The following IGF1R variants were observed in gnomAD, a reference collection of about 807,000 sequenced individuals.
The protein encoded by IGF1R is insulin like growth factor 1 receptor, also known as insulin-like growth factor 1 receptor.
A neutral mutation model predicts 144.6 loss-of-function variants in IGF1R; 44 were observed. That is an observed-to-expected ratio of 0.30 (90% CI 0.24 to 0.39). The LOEUF (loss-of-function observed/expected upper bound fraction) is 0.39. Ranked by LOEUF, IGF1R falls within the 10% of genes least tolerant of loss-of-function variation. IGF1R has a pLI of 1.00. For missense variants in IGF1R, 1,355 were observed against 1,833.7 expected (o/e 0.74, Z 4.77); for synonymous variants, 795 against 722.8 (o/e 1.10, Z -1.60).
chr15:98,963,941 A>G lies in IGF1R; in HGVS notation c.*6499A>G, dbSNP rs922765999. 21 of 233,222 alleles carry G rather than the reference A, an allele frequency of 9.0e-5. No individual in the cohort carries two copies. The highest frequency in any genetic ancestry group is 1.3e-4 in the Non-Finnish European group (15 of 117,950). 14.4% of individuals were successfully genotyped at this position (233,222 alleles called of 1,614,324 possible). On this transcript the variant is annotated 3_prime_UTR_variant, in exon 21 of 21. Transcript: ENST00000650285. Reference sequence around the variant, plus strand: ...GAAACACCTGGGGTTTTTGCGCTACATAGGAGAAAGATCTGGAAACTATTT... The same window carrying G: ...GAAACACCTGGGGTTTTTGCGCTACGTAGGAGAAAGATCTGGAAACTATTT...
chr15:98,714,370 G>A (rs937314274), intron 2 of IGF1R, among the ~76,000 whole-genome samples: 6 of 152,114 alleles, frequency 3.9e-5, no homozygotes, highest in African/African-American at 9.7e-5. Context: ...AAGGCTGGGC[G>A]CAGTGGCTAA....
At chr15:98,921,275 G>A (rs2015473881) in intron 10 of IGF1R, among the ~76,000 whole-genome samples, 2 of 152,098 alleles carry the variant, frequency 1.3e-5, no homozygotes, top group Non-Finnish European at 2.9e-5. Flanking sequence ...AGGTTTCTAG[G>A]GGGAGCCACA....
At chr15:98,915,920 A>C (rs1188496504) in intron 8 of IGF1R, 44 bp from the exon 9 acceptor site, 3 of 1,592,372 alleles carry the variant, frequency 1.9e-6, no homozygotes, top group Admixed American at 1.7e-5. Flanking sequence ...CCTGACTCTT[A>C]AGTTCATTTC....
chr15:98,876,670 G>GT (rs1430712735), intron 2 of IGF1R, among the ~76,000 whole-genome samples: 3 of 152,290 alleles, frequency 2.0e-5, no homozygotes, highest in African/African-American at 7.2e-5. Context: ...ACATTTGTAT[G>GT]TTTTTTTCCG....
rs9282721 is a variant in IGF1R, at chr15:98,912,925, T to G, written c.1590-119T>G. The G allele has an allele frequency of 3.3e-3, 2,372 of 710,608 alleles. 5 individuals carry two copies. Among genetic ancestry groups the G allele is most frequent in the Non-Finnish European group, 4.4e-3 (1,740 of 391,674 alleles). 44.0% of individuals were successfully genotyped at this position (710,608 alleles called of 1,614,324 possible). A position where few individuals can be genotyped will look rare whatever the true frequency, so the allele number is the denominator to read the frequency against. ...TCTTCTTCTATAAAAGTCTAATTGATTATTTGTTTATTTAGACCTCCCATT... is the reference window on the plus strand; with the variant it reads ...TCTTCTTCTATAAAAGTCTAATTGAGTATTTGTTTATTTAGACCTCCCATT... On this transcript the variant is annotated intron_variant, in intron 7 of 20. Transcript: ENST00000650285.
Position 98,962,555 on chromosome 15 carries a change from C to T in IGF1R, c.*5113C>T. Reference sequence around the variant, plus strand: ...AGACCTTGGACAGGTCAGAGGGTTTCATTTTTGGCCTTCATCTTAGATGAC... The same window carrying T: ...AGACCTTGGACAGGTCAGAGGGTTTTATTTTTGGCCTTCATCTTAGATGAC... On this transcript the variant is annotated 3_prime_UTR_variant, in exon 21 of 21. Transcript: ENST00000650285. 4.3e-6 allele frequency: 1 copy of T among 233,778 alleles called. No individual in the cohort carries two copies. The highest frequency in any genetic ancestry group is 6.0e-5 in the East Asian group (1 of 16,592). 14.5% of individuals were successfully genotyped at this position (233,778 alleles called of 1,614,324 possible).
intron 2 of IGF1R, among the ~76,000 whole-genome samples, chr15:98,878,637 T>C (rs956339775): frequency 6.7e-5 from 9 of 133,974 alleles, no homozygotes; most frequent in African/African-American, 2.3e-4. Context: ...CTGCAGTGAT[T>C]TCTCTCTTCT....
intron 2 of IGF1R, among the ~76,000 whole-genome samples, chr15:98,852,140 G>C (rs1316177856): frequency 1.3e-5 from 2 of 152,228 alleles, no homozygotes; most frequent in East Asian, 3.9e-4. Context: ...CCGAATTATG[G>C]AAACAAAACC....
chr15:98,790,339 C>G (rs1169025123), intron 2 of IGF1R, among the ~76,000 whole-genome samples: 1 of 152,170 alleles, frequency 6.6e-6, no homozygotes, highest in African/African-American at 2.4e-5. Flanking sequence ...TAGTTTTGTC[C>G]TCCCTCTTCT....
At chr15:98,672,312 C>A (rs541939757) in intron 1 of IGF1R, among the ~76,000 whole-genome samples, 4 of 152,164 alleles carry the variant, frequency 2.6e-5, no homozygotes, top group Non-Finnish European at 5.9e-5. Flanking sequence ...CGCCTGTAAT[C>A]CCAGCACTTT....
At chr15:98,657,662 C>A (rs2052516440) in intron 1 of IGF1R, among the ~76,000 whole-genome samples, 1 of 152,218 alleles carries the variant, frequency 6.6e-6, no homozygotes, top group Non-Finnish European at 1.5e-5. Flanking sequence ...TAGGTCACAA[C>A]ATGATATCGT....
At chr15:98,729,732 G>A (rs76993408) in intron 2 of IGF1R, among the ~76,000 whole-genome samples, 3,382 of 152,200 alleles carry the variant, frequency 0.022, 120 homozygotes, top group African/African-American at 0.076. Context: ...CCTAGGATTC[G>A]CCTTCATCCT....
At chr15:98,771,000 C>A (rs954049747) in intron 2 of IGF1R, among the ~76,000 whole-genome samples, 1 of 152,102 alleles carries the variant, frequency 6.6e-6, no homozygotes, top group African/African-American at 2.4e-5. Flanking sequence ...TACTTTTGAA[C>A]ATTTAAAGGT....
chr15:98,780,927 G>A (rs981097662), intron 2 of IGF1R, among the ~76,000 whole-genome samples: 1 of 152,138 alleles, frequency 6.6e-6, no homozygotes, highest in Non-Finnish European at 1.5e-5. Context: ...ACCAGCCTGG[G>A]CAACATGGCA....
chr15:98,653,902 A>G (rs1401013661), intron 1 of IGF1R, among the ~76,000 whole-genome samples: 1 of 152,104 alleles, frequency 6.6e-6, no homozygotes, highest in Non-Finnish European at 1.5e-5. Context: ...ATCTGGTTTC[A>G]TTTGTTTTGT....
intron 2 of IGF1R, among the ~76,000 whole-genome samples, chr15:98,782,933 C>A (rs2055892086): frequency 1.3e-5 from 2 of 152,194 alleles, no homozygotes; most frequent in African/African-American, 4.8e-5. Context: ...TAAATAGAGA[C>A]TTAAAAATTA....
intron 1 of IGF1R, among the ~76,000 whole-genome samples, chr15:98,666,826 G>C (rs139127459): frequency 6.6e-6 from 1 of 152,106 alleles, no homozygotes; most frequent in Admixed American, 6.5e-5. Context: ...GGATGGTTAC[G>C]GTGGTTGAGC....
At chr15:98,941,244 G>C (rs762027132) in intron 18 of IGF1R, among the ~76,000 whole-genome samples, 5 of 152,230 alleles carry the variant, frequency 3.3e-5, no homozygotes, top group African/African-American at 1.2e-4. Flanking sequence ...GCAGCAGCAC[G>C]TGCCTGGCAC....
intron 19 of IGF1R, among the ~76,000 whole-genome samples, chr15:98,945,952 C>T (rs1300715301): frequency 1.3e-5 from 2 of 151,752 alleles, no homozygotes; most frequent in African/African-American, 2.4e-5. Flanking sequence ...CCTCCTGTAT[C>T]GTTGCCTGTG....
Sources: allele counts gnomAD v4.1 joint callset (sites outside exome capture counted in the v4.1 genomes callset), GRCh38; gene constraint gnomAD v4.1.1; transcripts MANE v1.5; gene names NCBI Gene and HGNC (gene_info 2026-07-23, HGNC 2026-07-21).